The following RRAGC variants were observed in gnomAD, a reference collection of about 807,000 sequenced individuals.
The protein encoded by RRAGC is Ras related GTP binding C.
Under a neutral mutation model 37.1 loss-of-function variants are expected in RRAGC, and 8 were observed. The ratio of observed to expected loss-of-function variants is 0.22; its 90% CI spans 0.13 to 0.39. RRAGC has a LOEUF of 0.39. RRAGC is among the 10% of genes least tolerant of loss of function. The pLI, the probability that RRAGC is intolerant of heterozygous loss-of-function variation, is 1.00. For synonymous variants in RRAGC, 190 were observed against 181.1 expected, an observed-to-expected ratio of 1.05 and a Z score of -0.39; for missense variants, 342 against 497.6, an observed-to-expected ratio of 0.69 and a Z score of 2.98.
intron 1 of RRAGC, among the ~76,000 whole-genome samples, chr1:38,858,834 C>T (rs1205768034): frequency 6.6e-6 from 1 of 152,246 alleles, no homozygotes; most frequent in South Asian, 2.1e-4. Flanking sequence ...ACAGGGGGAA[C>T]AGCACCAGTA....
intron 1 of RRAGC, among the ~76,000 whole-genome samples, chr1:38,859,149 G>A (rs1642202817): frequency 6.6e-6 from 1 of 152,380 alleles, no homozygotes; most frequent in South Asian, 2.1e-4. Flanking sequence ...GGGGGCGGAG[G>A]TCTTGGGCGG....
intron 3 of RRAGC, among the ~76,000 whole-genome samples, chr1:38,853,204 T>G (rs1642121762): frequency 6.6e-6 from 1 of 151,960 alleles, no homozygotes; most frequent in African/African-American, 2.4e-5. Flanking sequence ...AGGATGGGAG[T>G]CGGGACTCTA....
chr1:38,855,886 T>C lies in RRAGC; in HGVS notation c.463A>G (p.Thr155Ala), dbSNP rs1035286251. 2.3e-5 allele frequency: 37 copies of C among 1,613,278 alleles called. No homozygotes were observed. In the Admixed American group the frequency reaches 4.5e-4, roughly 20 times the overall value. ...DAQDDYMEAL[T>A]RLHITVSKAY... ...TTAGAAACAGTAATGTGAAGTCTTG[T>C]TAAAGCCTCCATGTAGTCATCCTGT... is the stretch of plus-strand genomic sequence containing the variant. Residue 155 changes from threonine (T) to alanine (A), a missense_variant, in exon 3 of 7, where the codon ACA (threonine) becomes GCA (alanine). Physicochemically the swap from Thr to Ala is moderately conservative, Grantham distance 58 (BLOSUM62 0). Around this residue, in one of 3 missense-constraint regions of RRAGC, gnomAD observed 134 missense variants for 277.2 expected, o/e 0.48. Coordinates refer to ENST00000373001, the MANE Select transcript of RRAGC (RefSeq NM_022157.4).
At chr1:38,844,205 A>C (rs1337233632) in intron 6 of RRAGC, among the ~76,000 whole-genome samples, 2 of 152,162 alleles carry the variant, frequency 1.3e-5, no homozygotes, top group African/African-American at 4.8e-5. Flanking sequence ...CACGAGAGTC[A>C]CAAAACAGGG....
chr1:38,857,777 T>C (rs1289990401), intron 1 of RRAGC, among the ~76,000 whole-genome samples: 2 of 152,186 alleles, frequency 1.3e-5, no homozygotes, highest in Admixed American at 1.3e-4. Context: ...CTGACCAATA[T>C]GGTGAAACCC....
chr1:38,845,871 G>GT, intron 6 of RRAGC, 68 bp downstream of exon 6: 2 of 1,348,156 alleles, frequency 1.5e-6, no homozygotes, highest in East Asian at 4.7e-5. Flanking sequence ...ATTTTCACTT[G>GT]TTTTCAAGAA....
At chr1:38,853,201 G>A (rs552866008) in intron 3 of RRAGC, among the ~76,000 whole-genome samples, 42 of 152,342 alleles carry the variant, frequency 2.8e-4, no homozygotes, top group African/African-American at 1.0e-3. Context: ...AACAGGATGG[G>A]AGTCGGGACT....
intron 5 of RRAGC, 71 bp downstream of exon 5, chr1:38,851,544 G>C: frequency 7.4e-7 from 1 of 1,345,426 alleles, no homozygotes; most frequent in Non-Finnish European, 9.9e-7. Flanking sequence ...TCAGAAATTA[G>C]TCTTCTGAAC....
chr1:38,841,496 G>C (rs933305550), intron 6 of RRAGC, among the ~76,000 whole-genome samples: 1 of 151,638 alleles, frequency 6.6e-6, no homozygotes, highest in Admixed American at 6.6e-5. Context: ...CCTGAGTAGA[G>C]AGGACTATAG....
At chr1:38,851,786 G>C (rs374103700) in intron 4 of RRAGC, 29 bp from the exon 5 acceptor site, 5 of 1,586,696 alleles carry the variant, frequency 3.2e-6, no homozygotes, top group Admixed American at 1.8e-5. Flanking sequence ...AAACTGTTCA[G>C]TATTTTTTAA....
chr1:38,845,912 A>T (rs760257966), intron 6 of RRAGC, 27 bp downstream of exon 6: 2 of 1,574,552 alleles, frequency 1.3e-6, no homozygotes, highest in Admixed American at 3.9e-5. Flanking sequence ...AAATTAACAT[A>T]AAAACAGCTT....
At chr1:38,848,185 G>A (rs918331445) in intron 5 of RRAGC, 11 of 152,276 alleles carry the variant, frequency 7.2e-5, no homozygotes, top group African/African-American at 2.6e-4. Flanking sequence ...ACGGCAGAGT[G>A]GAGGGGAAGT....
At chr1:38,854,982 T>C (rs1642150527) in intron 3 of RRAGC, among the ~76,000 whole-genome samples, 1 of 152,218 alleles carries the variant, frequency 6.6e-6, no homozygotes, top group Non-Finnish European at 1.5e-5. Context: ...TGTACAAAAA[T>C]ATTCCTCATA....
chr1:38,849,106 A>T (rs973923547), intron 5 of RRAGC, among the ~76,000 whole-genome samples: 1 of 152,020 alleles, frequency 6.6e-6, no homozygotes, highest in Admixed American at 6.6e-5. Context: ...GTCTCAAAAA[A>T]AAAAAAGAAA....
In RRAGC at chr1:38,846,096, A is replaced by C. The variant is rs532346859; in HGVS notation, c.900-9T>G. ...TTCCATCTTCCTTTAACCTATTTTA[A>C]AAGAAAGTACTATTCATTACAGGTT... On this transcript the variant is annotated splice_polypyrimidine_tract_variant and intron_variant, in intron 5 of 6. Coordinates refer to ENST00000373001, the MANE Select transcript of RRAGC (RefSeq NM_022157.4). The C allele has an allele frequency of 6.2e-7, 1 of 1,603,936 alleles. No individual in the cohort carries two copies. Among genetic ancestry groups the C allele is most frequent in the African/African-American group, 1.3e-5 (1 of 74,536 alleles).
chr1:38,855,140 T>TTTA (rs1476846194), intron 3 of RRAGC, among the ~76,000 whole-genome samples: 6 of 152,178 alleles, frequency 3.9e-5, no homozygotes, highest in African/African-American at 1.2e-4. Flanking sequence ...TAAGCCAAAC[T>TTTA]TTATAGAGTT....
intron 6 of RRAGC, among the ~76,000 whole-genome samples, chr1:38,840,602 G>A (rs796083645): frequency 6.6e-6 from 1 of 152,182 alleles, no homozygotes. Flanking sequence ...GAAAACTTCA[G>A]GGACAAGAAA....
intron 3 of RRAGC, among the ~76,000 whole-genome samples, chr1:38,854,456 T>C (rs1011950076): frequency 6.6e-6 from 1 of 152,136 alleles, no homozygotes; most frequent in Non-Finnish European, 1.5e-5. Context: ...CATGTACCAC[T>C]AGGGTGGGAT....
rs747828770 is a variant in RRAGC at position 38,852,495 on chromosome 1, AAC to A, written c.642-9_642-8del. On this transcript the variant is annotated splice_polypyrimidine_tract_variant and splice_region_variant and intron_variant, in intron 3 of 6. Transcript: ENST00000373001. ...GATACTAGTCAGATAAAAGCTGAAA[AAC>A]ACAACATAGCTTGATTAATTTGAAA... The A allele has an allele frequency of 3.2e-6, 4 of 1,252,524 alleles. No homozygotes were observed. The highest frequency in any genetic ancestry group is 3.5e-6 in the Non-Finnish European group (3 of 858,534). The allele number at this position is 1,252,524 out of a possible 1,614,324, so 77.6% of individuals were successfully genotyped here. A position where few individuals can be genotyped will look rare whatever the true frequency, so the allele number is the denominator to read the frequency against.
Sources: gnomAD v4.1 joint callset for allele counts (sites outside exome capture counted in the v4.1 genomes callset) on GRCh38, gnomAD v4.1.1 for gene constraint, gnomAD v4.1.1 regional missense constraint, MANE v1.5 for transcripts, NCBI Gene and HGNC (gene_info 2026-07-23, HGNC 2026-07-21) for gene names.